POLE2: variants seen among roughly 807,000 people sequenced by gnomAD.
POLE2 encodes DNA polymerase epsilon 2, accessory subunit.
POLE2 carries 56 observed loss-of-function variants against 79.4 expected under a neutral mutation model. The observed-to-expected ratio is 0.71, with a 90% CI of 0.57 to 0.88. The LOEUF is 0.88. Among genes scored for constraint, POLE2 ranks in the 40% least tolerant of loss-of-function variants. The pLI is 0.00. For synonymous variants in POLE2, 212 were observed against 214.0 expected (o/e 0.99, Z 0.08); for missense variants, 598 against 638.9 (o/e 0.94, Z 0.69).
At chr14:49,681,639 T>C (rs937592395) in intron 2 of POLE2, among the ~76,000 whole-genome samples, 1 of 152,024 alleles carries the variant, frequency 6.6e-6, no homozygotes, top group African/African-American at 2.4e-5. Flanking sequence ...CCTGGTGTGG[T>C]GGCACGCACC....
Position 49,688,175 on chromosome 14 carries a change from G to A in POLE2, c.29C>T (p.Ala10Val), listed in dbSNP as rs1016391003. The A allele has an allele frequency of 5.2e-6, 8 of 1,544,670 alleles. No homozygotes were observed. In the Admixed American group the frequency reaches 5.7e-5, roughly 11 times the overall value. The part of the protein sequence containing the change: MAPERLRSR[A>V]LSAFKLRGLL... ...GCCCCGCAACTTGAAGGCGGAGAGCGCCCGGCTCCGCAGCCGCTCCGGCGC... is the reference window on the plus strand; with the variant it reads ...GCCCCGCAACTTGAAGGCGGAGAGCACCCGGCTCCGCAGCCGCTCCGGCGC... Residue 10 changes from alanine (A) to valine (V), a missense_variant, in exon 1 of 19, where the codon GCG (alanine) becomes GTG (valine). Physicochemically the swap from Ala to Val is moderately conservative, Grantham distance 64 (BLOSUM62 0). Transcript: ENST00000216367.
chr14:49,674,321 A>T (rs372343093), intron 4 of POLE2, 29 bp downstream of exon 4: 1 of 1,528,098 alleles, frequency 6.5e-7, no homozygotes, highest in African/African-American at 1.4e-5. Flanking sequence ...ATTTGAAATT[A>T]ATTTAAAATC....
At chr14:49,655,981 C>T in intron 10 of POLE2, 138 bp from the exon 11 acceptor site, 1 of 550,302 alleles carries the variant, frequency 1.8e-6, no homozygotes, top group Non-Finnish European at 3.2e-6. Context: ...TTTAAAAGTA[C>T]AAAGGTTATC....
At chr14:49,677,039 T>C (rs1886327447) in intron 3 of POLE2, among the ~76,000 whole-genome samples, 1 of 152,218 alleles carries the variant, frequency 6.6e-6, no homozygotes, top group African/African-American at 2.4e-5. Flanking sequence ...ACAATAGCTA[T>C]TTCTTCATCC....
chr14:49,672,898 C>G (rs953732597), intron 5 of POLE2, among the ~76,000 whole-genome samples: 18 of 152,134 alleles, frequency 1.2e-4, no homozygotes, highest in African/African-American at 4.3e-4. Flanking sequence ...TCTCTTGCTA[C>G]CAACTCTCTT....
intron 10 of POLE2, among the ~76,000 whole-genome samples, chr14:49,656,364 A>C (rs1884679275): frequency 6.6e-6 from 1 of 152,054 alleles, no homozygotes; most frequent in Non-Finnish European, 1.5e-5. Flanking sequence ...CAAAAAAAAA[A>C]AAAAAAAACT....
intron 3 of POLE2, chr14:49,677,755 G>C: frequency 1.6e-6 from 2 of 1,290,112 alleles, no homozygotes; most frequent in Non-Finnish European, 2.1e-6. Context: ...AAAGCCCCAC[G>C]CATTCTTCAG....
At chr14:49,652,604 G>GT (rs1884354489) in intron 15 of POLE2, among the ~76,000 whole-genome samples, 1 of 152,104 alleles carries the variant, frequency 6.6e-6, no homozygotes, top group Non-Finnish European at 1.5e-5. Context: ...CACGAATCCT[G>GT]TTGTGAACTG....
intron 7 of POLE2, 35 bp downstream of exon 7, chr14:49,666,295 G>A (rs1174193027): frequency 1.0e-5 from 11 of 1,061,478 alleles, no homozygotes; most frequent in Non-Finnish European, 1.5e-5. Flanking sequence ...ATCAATCCAA[G>A]GCCAAAAATA....
chr14:49,669,733 A>C, intron 5 of POLE2, 135 bp from the exon 6 acceptor site: 1 of 590,924 alleles, frequency 1.7e-6, no homozygotes, highest in Non-Finnish European at 3.0e-6. Flanking sequence ...TTGAAAACCC[A>C]CATAATTTAA....
At position 49,688,146 on chromosome 14, in the gene POLE2, G is replaced by A. The variant is rs1887301256; in HGVS notation, c.58C>T (p.Leu20=). Residue 20 remains leucine (L), a synonymous_variant, in exon 1 of 19, where the codon CTG becomes TTG. Transcript: ENST00000216367. Reference sequence around the variant, plus strand: ...CCCGAGCCCACTCACCCACGGAGCAGCAAGCCCCGCAACTTGAAGGCGGAG... The same window carrying A: ...CCCGAGCCCACTCACCCACGGAGCAACAAGCCCCGCAACTTGAAGGCGGAG... ...ALSAFKLRGL[L]LRGEAIKYLT... The A allele has an allele frequency of 4.5e-6, 7 of 1,555,792 alleles. No homozygotes were observed. Among genetic ancestry groups the A allele is most frequent in the Non-Finnish European group, 6.1e-6 (7 of 1,151,972 alleles).
chr14:49,676,149 T>C (rs909000469), intron 3 of POLE2, among the ~76,000 whole-genome samples: 1 of 152,156 alleles, frequency 6.6e-6, no homozygotes, highest in Non-Finnish European at 1.5e-5. Flanking sequence ...ACTTATACAA[T>C]ATATATATAG....
At chr14:49,674,567 T>C (rs879660050) in intron 3 of POLE2, 140 bp from the exon 4 acceptor site, 2 of 622,092 alleles carry the variant, frequency 3.2e-6, no homozygotes, top group Non-Finnish European at 5.7e-6. Context: ...TTCTTTTTCT[T>C]TTTCTTTTTC....
chr14:49,675,524 C>T (rs543839046), intron 3 of POLE2, among the ~76,000 whole-genome samples: 8 of 152,066 alleles, frequency 5.3e-5, no homozygotes, highest in Admixed American at 2.0e-4. Flanking sequence ...CTCTTCCTCC[C>T]GGCCTCAAGC....
rs1259734654 is a variant in POLE2, at chr14:49,654,402, A to G, written c.1074-188T>C. 2.7e-5 allele frequency: 15 copies of G among 559,630 alleles called. No individual in the cohort carries two copies. The East Asian group carries it at 4.6e-4, about 17-fold the overall frequency. The allele number at this position is 559,630 out of a possible 1,614,324, so 34.7% of individuals were successfully genotyped here. On this transcript the variant is annotated intron_variant, in intron 13 of 18. Coordinates refer to ENST00000216367, the MANE Select transcript of POLE2 (RefSeq NM_002692.4). The stretch of plus-strand genomic sequence containing the variant: ...AGTAATGTCATGATAGAAAAGTTCT[A>G]TATCTGCACTGCCCAATTGAACACT...
chr14:49,654,066 G>T lies in POLE2; in HGVS notation c.1135C>A (p.Pro379Thr). ...DPGFGSILPR[P>T]PLAESITNEF... ...TTAGTGATGCTTTCAGCAAGTGGTG[G>T]CCTATAAAAACAATTTATGTGATAT... Residue 379 changes from proline to threonine, a missense_variant and splice_region_variant, in exon 15 of 19, where the codon CCA becomes ACA. Pro to Thr is a conservative substitution (Grantham distance 38). Coordinates refer to ENST00000216367, the MANE Select transcript of POLE2 (RefSeq NM_002692.4). 6.2e-7 allele frequency: 1 copy of T among 1,601,620 alleles called. No homozygotes were observed. The highest frequency in any genetic ancestry group is 8.6e-7 in the Non-Finnish European group (1 of 1,169,500).
At chr14:49,688,056 G>T in intron 1 of POLE2, 80 bp downstream of exon 1, 1 of 1,194,488 alleles carries the variant, frequency 8.4e-7, no homozygotes, top group Non-Finnish European at 1.2e-6. Context: ...GGGAGCCGCC[G>T]CGGTGCGTCC....
intron 2 of POLE2, among the ~76,000 whole-genome samples, chr14:49,683,133 G>A: frequency 6.6e-6 from 1 of 152,160 alleles, no homozygotes; most frequent in Non-Finnish European, 1.5e-5. Context: ...CGGGTGTGGT[G>A]GCTCCCGCCT....
Position 49,688,204 on chromosome 14 carries a change from A to G in POLE2, c.-1T>C. The G allele has an allele frequency of 6.6e-7, 1 of 1,524,628 alleles. No homozygotes were observed. The highest frequency in any genetic ancestry group is 8.8e-7 in the Non-Finnish European group (1 of 1,138,078). 94.4% of individuals were successfully genotyped at this position (1,524,628 alleles called of 1,614,324 possible). A position where few individuals can be genotyped will look rare whatever the true frequency, so the allele number is the denominator to read the frequency against. Reference sequence around the variant, plus strand: ...GGCTCCGCAGCCGCTCCGGCGCCATATTTGCGATTTGGCGCCACCGCCGCA... The same window carrying G: ...GGCTCCGCAGCCGCTCCGGCGCCATGTTTGCGATTTGGCGCCACCGCCGCA... On this transcript the variant is annotated 5_prime_UTR_variant, in exon 1 of 19. Coordinates refer to ENST00000216367, the MANE Select transcript of POLE2 (RefSeq NM_002692.4).
Sources: gnomAD v4.1 joint callset for allele counts (sites outside exome capture counted in the v4.1 genomes callset) on GRCh38, gnomAD v4.1.1 for gene constraint, MANE v1.5 for transcripts, NCBI Gene and HGNC (gene_info 2026-07-23, HGNC 2026-07-21) for gene names.